RPS6KA5: variants seen among roughly 807,000 people sequenced by gnomAD.
The protein encoded by RPS6KA5 is ribosomal protein S6 kinase alpha-5.
Under a neutral mutation model 85.5 loss-of-function variants are expected in RPS6KA5, and 27 were observed. That is an observed-to-expected ratio of 0.32 (90% CI 0.23 to 0.44). The LOEUF (loss-of-function observed/expected upper bound fraction) is 0.44, where lower values mean the gene tolerates loss of function less well. Among genes scored for constraint, RPS6KA5 ranks in the 20% least tolerant of loss-of-function variants. RPS6KA5 has a pLI of 1.00. For missense variants in RPS6KA5, 811 were observed against 980.9 expected (o/e 0.83, Z 2.31); for synonymous variants, 334 against 348.2 (o/e 0.96, Z 0.46).
intron 2 of RPS6KA5, among the ~76,000 whole-genome samples, chr14:90,996,825 A>T (rs2040543542): frequency 6.6e-6 from 1 of 152,224 alleles, no homozygotes; most frequent in African/African-American, 2.4e-5. Flanking sequence ...CTTTATAGAG[A>T]TCCCTTATTA....
chr14:90,991,835 C>T (rs1348683562), intron 2 of RPS6KA5, among the ~76,000 whole-genome samples: 4 of 151,630 alleles, frequency 2.6e-5, no homozygotes, highest in Admixed American at 1.3e-4. Context: ...CAAAGGAAAC[C>T]AGATAGTTCA....
intron 2 of RPS6KA5, among the ~76,000 whole-genome samples, chr14:90,989,182 T>C (rs2040196542): frequency 6.6e-6 from 1 of 152,194 alleles, no homozygotes; most frequent in Non-Finnish European, 1.5e-5. Context: ...CATTATCTCA[T>C]TAAACTTATA....
At position 90,856,000 on chromosome 14, in the gene RPS6KA5, GTC is replaced by G. The variant is rs1411507053; in HGVS notation, c.*16072_*16073del. The stretch of plus-strand genomic sequence containing the variant: ...GCCGGTGCTCCCATTATTATAATGA[GTC>G]CCAAAGTAAGAAATTAAACTTTAGG... On this transcript the variant is annotated 3_prime_UTR_variant, in exon 17 of 17. Coordinates refer to ENST00000614987, the MANE Select transcript of RPS6KA5 (RefSeq NM_004755.4). 6.6e-6 allele frequency: 1 copy of G among 152,168 alleles called. No individual in the cohort carries two copies. Among genetic ancestry groups the G allele is most frequent in the Non-Finnish European group, 1.5e-5 (1 of 68,042 alleles). The allele number at this position is 152,168 out of a possible 1,614,324, so 9.4% of individuals were successfully genotyped here.
chr14:90,917,802 TC>T (rs887132083), intron 7 of RPS6KA5, among the ~76,000 whole-genome samples: 1 of 151,956 alleles, frequency 6.6e-6, no homozygotes. Context: ...GCTCAAGCAA[TC>T]CCCCCACCTC....
chr14:90,928,445 G>C (rs2036797999), intron 5 of RPS6KA5, among the ~76,000 whole-genome samples: 1 of 151,580 alleles, frequency 6.6e-6, no homozygotes. Flanking sequence ...AAAATAGAAG[G>C]CTTGACAAAA....
At chr14:90,872,345 C>G (rs763206039) in intron 16 of RPS6KA5, 23 bp from the exon 17 acceptor site, 1 of 1,590,746 alleles carries the variant, frequency 6.3e-7, no homozygotes, top group Middle Eastern at 1.7e-4. Flanking sequence ...AAAAAGGGAA[C>G]CCCTGTGAAG....
intron 3 of RPS6KA5, among the ~76,000 whole-genome samples, chr14:90,970,602 C>A (rs1370096264): frequency 6.6e-6 from 1 of 152,154 alleles, no homozygotes; most frequent in African/African-American, 2.4e-5. Flanking sequence ...GGTGTTTCAA[C>A]AAAATCACCA....
rs55930501 is a variant in RPS6KA5, at chr14:90,933,683, C to T, written c.618+9395G>A. Among the ~76,000 whole-genome samples the T allele has an allele frequency of 8.0e-3, 1,211 of 152,268 alleles. 10 individuals are homozygous for T. Among genetic ancestry groups the T allele is most frequent in the African/African-American group, 0.027 (1,137 of 41,538 alleles). ...GAGATCACTACTCTTCTACTCAAAA[C>T]TCCCCAGTGGCTCCCCATTTTGTGC... On this transcript the variant is annotated intron_variant, in intron 5 of 16. Transcript: ENST00000614987.
intron 2 of RPS6KA5, among the ~76,000 whole-genome samples, chr14:90,992,969 A>T (rs2040370176): frequency 6.6e-6 from 1 of 152,182 alleles, no homozygotes; most frequent in Non-Finnish European, 1.5e-5. Context: ...TTTCAACTCC[A>T]CAAATGAGAC....
chr14:90,889,565 T>C (rs553376858), intron 14 of RPS6KA5, among the ~76,000 whole-genome samples: 1 of 152,132 alleles, frequency 6.6e-6, no homozygotes, highest in African/African-American at 2.4e-5. Context: ...CCTAAGGAAA[T>C]GGTGAGACAA....
chr14:90,932,993 C>T (rs2037066311), intron 5 of RPS6KA5, among the ~76,000 whole-genome samples: 1 of 152,166 alleles, frequency 6.6e-6, no homozygotes, highest in African/African-American at 2.4e-5. Flanking sequence ...CAGAATTTCA[C>T]TATTCCTTTT....
chr14:91,001,983 AT>A (rs1220979663), intron 1 of RPS6KA5, among the ~76,000 whole-genome samples: 1 of 152,160 alleles, frequency 6.6e-6, no homozygotes, highest in Admixed American at 6.5e-5. Flanking sequence ...GAAAATATGC[AT>A]GTAGATCAAG....
intron 1 of RPS6KA5, among the ~76,000 whole-genome samples, chr14:91,020,534 CTGTG>C (rs34407471): frequency 0.096 from 10,481 of 109,528 alleles, 457 homozygotes; most frequent in East Asian, 0.19. Context: ...TAAGGAATGA[CTGTG>C]TGTGTGTGTG....
rs2033077910 is a variant in RPS6KA5 at position 90,871,041 on chromosome 14, A to C, written c.*1033T>G. ...GATTCTAAAATATTATGTACATAAT[A>C]TATGACTACAGGAGGAAATTCCTCA... is the stretch of plus-strand genomic sequence containing the variant. On this transcript the variant is annotated 3_prime_UTR_variant, in exon 17 of 17. Coordinates refer to ENST00000614987, the MANE Select transcript of RPS6KA5 (RefSeq NM_004755.4). The C allele has an allele frequency of 6.6e-6, 1 of 152,568 alleles. No individual in the cohort carries two copies. The highest frequency in any genetic ancestry group is 1.5e-5 in the Non-Finnish European group (1 of 68,018). The allele number at this position is 152,568 out of a possible 1,614,324, so 9.5% of individuals were successfully genotyped here.
rs1243361916 is a variant in RPS6KA5 at position 90,855,634 on chromosome 14, G to A, written c.*16440C>T. The A allele has an allele frequency of 5.1e-5, 2 of 39,464 alleles. No individual in the cohort carries two copies. The highest frequency in any genetic ancestry group is 6.2e-5 in the Non-Finnish European group (1 of 16,084). The allele number at this position is 39,464 out of a possible 1,614,324, so 2.4% of individuals were successfully genotyped here. A position where few individuals can be genotyped will look rare whatever the true frequency, so the allele number is the denominator to read the frequency against. ...TGTATTTTTTTTTTTTTGAGACAGA[G>A]TCTTGCTCTGTTGCCCAGGCTGGAG... On this transcript the variant is annotated 3_prime_UTR_variant, in exon 17 of 17. Transcript: ENST00000614987.
chr14:91,039,341 G>A (rs1296454077), intron 1 of RPS6KA5, among the ~76,000 whole-genome samples: 11 of 152,254 alleles, frequency 7.2e-5, no homozygotes, highest in Admixed American at 6.5e-4. Flanking sequence ...TCATGAAAGC[G>A]ATTTGGAAGG....
At chr14:91,044,720 A>C (rs989532801) in intron 1 of RPS6KA5, among the ~76,000 whole-genome samples, 1 of 151,918 alleles carries the variant, frequency 6.6e-6, no homozygotes, top group Admixed American at 6.6e-5. Flanking sequence ...AAACTATAAA[A>C]ATTAGCCAGG....
At chr14:90,891,461 C>T (rs2034552642) in intron 13 of RPS6KA5, among the ~76,000 whole-genome samples, 1 of 151,994 alleles carries the variant, frequency 6.6e-6, no homozygotes, top group Non-Finnish European at 1.5e-5. Context: ...TTAATACTTA[C>T]TGATGCACAA....
At chr14:91,036,572 C>T (rs2042420607) in intron 1 of RPS6KA5, among the ~76,000 whole-genome samples, 1 of 152,156 alleles carries the variant, frequency 6.6e-6, no homozygotes. Context: ...AGGACATTTA[C>T]ATGCAGATAA....
Sources: gnomAD v4.1 joint callset for allele counts (sites outside exome capture counted in the v4.1 genomes callset) on GRCh38, gnomAD v4.1.1 for gene constraint, MANE v1.5 for transcripts, NCBI Gene and HGNC (gene_info 2026-07-23, HGNC 2026-07-21) for gene names.